Variants in TIAM1 observed in about 807,000 individuals in gnomAD.
TIAM1 encodes the protein rho guanine nucleotide exchange factor TIAM1.
TIAM1 carries 65 observed loss-of-function variants against 163.5 expected under a neutral mutation model. The observed-to-expected ratio is 0.40, with a 90% CI of 0.33 to 0.49. TIAM1 has a LOEUF of 0.49. Among genes scored for constraint, TIAM1 ranks in the 20% least tolerant of loss-of-function variants. The pLI, the probability that TIAM1 is intolerant of heterozygous loss-of-function variation, is 0.77. For synonymous variants in TIAM1, 833 were observed against 810.1 expected (o/e 1.03, Z -0.48); for missense variants, 1,789 against 2,044.7 (o/e 0.87, Z 2.41).
At position 31,501,498 on chromosome 21, in the gene TIAM1, GCTTTCTTTGGC is replaced by G. The variant is rs2147447677; in HGVS notation, c.-421-37474_-421-37464del. ...TGACCAAAGTGACCCAAGCTCGACGGCTTTCTTTGGCCTTTCGTATCTACCTGTTGTTCTCT... is the reference window on the plus strand; with the variant it reads ...TGACCAAAGTGACCCAAGCTCGACGGCTTTCGTATCTACCTGTTGTTCTCT... On this transcript the variant is annotated intron_variant, in intron 1 of 28. Transcript: ENST00000286827. Among the ~76,000 whole-genome samples the G allele has an allele frequency of 2.0e-5, 3 of 152,268 alleles. No homozygotes were observed. In the East Asian group the frequency reaches 5.8e-4, roughly 29 times the overall value.
At chr21:31,137,194 T>C (rs1294632528) in intron 22 of TIAM1, among the ~76,000 whole-genome samples, 1 of 152,270 alleles carries the variant, frequency 6.6e-6, no homozygotes, top group Non-Finnish European at 1.5e-5. Flanking sequence ...GACCCGCCAC[T>C]GAACACAGTG....
intron 3 of TIAM1, among the ~76,000 whole-genome samples, chr21:31,270,847 T>A (rs2073025100): frequency 6.6e-6 from 1 of 152,226 alleles, no homozygotes; most frequent in African/African-American, 2.4e-5. Flanking sequence ...TGTTCTAAGT[T>A]CTGGCTTCCT....
intron 2 of TIAM1, among the ~76,000 whole-genome samples, chr21:31,450,765 T>C (rs906567375): frequency 6.6e-6 from 1 of 152,066 alleles, no homozygotes. Context: ...AGAGAGAGAA[T>C]GAGAGCCAAG....
At chr21:31,366,815 G>A (rs898569264) in intron 2 of TIAM1, among the ~76,000 whole-genome samples, 1 of 152,200 alleles carries the variant, frequency 6.6e-6, no homozygotes, top group East Asian at 1.9e-4. Context: ...ACGGGGTTTC[G>A]CCATGTTGGC....
chr21:31,128,347 T>C (rs2082286524), intron 25 of TIAM1, among the ~76,000 whole-genome samples: 2 of 152,236 alleles, frequency 1.3e-5, no homozygotes, highest in Non-Finnish European at 2.9e-5. Context: ...TTTATCTTGA[T>C]GGTTTTAAAC....
chr21:31,425,873 C>T (rs959878497), intron 2 of TIAM1, among the ~76,000 whole-genome samples: 7 of 151,710 alleles, frequency 4.6e-5, no homozygotes, highest in African/African-American at 1.7e-4. Flanking sequence ...ATTTTTTGTA[C>T]TTTTAATAGA....
Position 31,120,248 on chromosome 21 carries a change from G to C in TIAM1, c.*120C>G. On this transcript the variant is annotated 3_prime_UTR_variant, in exon 28 of 28. Transcript: ENST00000541036. The surrounding 1 kb of genome is among the most constrained non-coding windows in gnomAD (Gnocchi z 4.2). ...ACATGGCTTCAGAACCAAGTCAGCT[G>C]CCAAAACCGTGTGTGCAAGAGCGCG... is the stretch of plus-strand genomic sequence containing the variant. The C allele has an allele frequency of 9.6e-7, 1 of 1,037,982 alleles. No homozygotes were observed. Among genetic ancestry groups the C allele is most frequent in the East Asian group, 2.7e-5 (1 of 37,600 alleles). 64.3% of individuals were successfully genotyped at this position (1,037,982 alleles called of 1,614,324 possible).
chr21:31,398,449 C>A (rs1003240171), intron 2 of TIAM1, among the ~76,000 whole-genome samples: 5 of 152,156 alleles, frequency 3.3e-5, no homozygotes, highest in African/African-American at 1.2e-4. Flanking sequence ...CATAATTTTA[C>A]TCCACTAAAA....
At chr21:31,298,826 A>G (rs571838068) in intron 2 of TIAM1, among the ~76,000 whole-genome samples, 1,530 of 141,512 alleles carry the variant, frequency 0.011, 20 homozygotes, top group African/African-American at 0.03. Context: ...GAGAGAGAGA[A>G]AAACAGATGG....
chr21:31,313,085 T>C (rs187962379), intron 2 of TIAM1, among the ~76,000 whole-genome samples: 1 of 152,354 alleles, frequency 6.6e-6, no homozygotes, highest in Non-Finnish European at 1.5e-5. Context: ...TATTATTTAA[T>C]AAGATACGAC....
chr21:31,271,893 A>G (rs914474668), intron 3 of TIAM1, among the ~76,000 whole-genome samples: 6 of 152,184 alleles, frequency 3.9e-5, no homozygotes, highest in Non-Finnish European at 8.8e-5. Flanking sequence ...TACCAACACC[A>G]TGATCCCTCT....
chr21:31,336,488 C>CTTTTTTTTTTTTTT (rs34052300), intron 2 of TIAM1, among the ~76,000 whole-genome samples: 1 of 125,432 alleles, frequency 8.0e-6, no homozygotes, highest in Admixed American at 8.2e-5. Flanking sequence ...TTGCCCCTTG[C>CTTTTTTTTTTTTTT]TTTTTTTTTT....
At chr21:31,517,048 CAA>C (rs747446437) in intron 1 of TIAM1, among the ~76,000 whole-genome samples, 16 of 65,386 alleles carry the variant, frequency 2.4e-4, no homozygotes, top group Admixed American at 3.1e-4. Flanking sequence ...GACTCTGTCT[CAA>C]AAAAAAAAAA....
At chr21:31,410,691 T>C (rs2077341623) in intron 2 of TIAM1, among the ~76,000 whole-genome samples, 1 of 145,466 alleles carries the variant, frequency 6.9e-6, no homozygotes, top group African/African-American at 2.8e-5. Context: ...CGTGAGAGTG[T>C]GTGTGAGTGT....
At chr21:31,552,048 C>CTTTTTTT (rs200300720) in intron 1 of TIAM1, among the ~76,000 whole-genome samples, 5 of 80,116 alleles carry the variant, frequency 6.2e-5, no homozygotes, top group East Asian at 6.4e-4. Flanking sequence ...CTCTGCACTA[C>CTTTTTTT]TTTTTTTTTT....
At chr21:31,224,692 G>A (rs1339899586) in intron 7 of TIAM1, among the ~76,000 whole-genome samples, 2 of 152,064 alleles carry the variant, frequency 1.3e-5, no homozygotes, top group Non-Finnish European at 2.9e-5. Context: ...GTGTTAAAAT[G>A]GTTGATTTTA....
chr21:31,183,729 C>G (rs1283978228), intron 14 of TIAM1, among the ~76,000 whole-genome samples: 1 of 149,950 alleles, frequency 6.7e-6, no homozygotes, highest in African/African-American at 2.5e-5. Flanking sequence ...GAGTCTCACT[C>G]TGTTGCCCAG....
At chr21:31,333,948 AC>A (rs1209106016) in intron 2 of TIAM1, among the ~76,000 whole-genome samples, 3 of 152,070 alleles carry the variant, frequency 2.0e-5, no homozygotes, top group Admixed American at 2.0e-4. Flanking sequence ...ACTAGATGTC[AC>A]TCTCCTAACC....
chr21:31,453,566 G>A (rs1358821087), intron 2 of TIAM1, among the ~76,000 whole-genome samples: 3 of 151,978 alleles, frequency 2.0e-5, no homozygotes, highest in South Asian at 4.1e-4. Flanking sequence ...GGTGGCGCAC[G>A]CCTGTAGTCC....
Sources: allele counts gnomAD v4.1 joint callset (sites outside exome capture counted in the v4.1 genomes callset), GRCh38; gene constraint gnomAD v4.1.1; non-coding constraint Gnocchi (gnomAD v3.1); transcripts MANE v1.5; gene names NCBI Gene and HGNC (gene_info 2026-07-23, HGNC 2026-07-21).